The following CDON variants were observed in gnomAD, a reference collection of about 807,000 sequenced individuals.
CDON encodes cell adhesion associated, oncogene regulated.
Under a neutral mutation model 120.9 loss-of-function variants are expected in CDON, and 73 were observed. The ratio of observed to expected loss-of-function variants is 0.60; its 90% CI spans 0.50 to 0.73. The LOEUF (loss-of-function observed/expected upper bound fraction) is 0.73. Ranked by LOEUF, CDON falls within the 30% of genes least tolerant of loss-of-function variation. The probability of loss-of-function intolerance (pLI) is 0.00; values close to 1 mark genes in which losing one functional copy is unlikely to be tolerated. For synonymous variants in CDON, 566 were observed against 573.5 expected (o/e 0.99, Z 0.19); for missense variants, 1,470 against 1,587.3 (o/e 0.93, Z 1.26).
intron 1 of CDON, among the ~76,000 whole-genome samples, chr11:126,052,715 T>A (rs1039552971): frequency 2.0e-5 from 3 of 150,286 alleles, no homozygotes; most frequent in African/African-American, 7.4e-5. Flanking sequence ...CCCAGCTACT[T>A]GGGAGGCTGA....
intron 15 of CDON, among the ~76,000 whole-genome samples, chr11:125,985,480 A>G (rs1302246587): frequency 2.0e-5 from 3 of 152,302 alleles, no homozygotes; most frequent in Admixed American, 2.0e-4. Flanking sequence ...GTGCCTAGCT[A>G]GTTTTTACAT....
chr11:125,980,953 G>C, intron 17 of CDON, 96 bp downstream of exon 17: 1 of 1,271,954 alleles, frequency 7.9e-7, no homozygotes, highest in Non-Finnish European at 1.1e-6. Context: ...AACTTGTGAG[G>C]TTTCTATACT....
At chr11:126,044,180 C>A (rs529835342) in intron 1 of CDON, among the ~76,000 whole-genome samples, 2 of 152,202 alleles carry the variant, frequency 1.3e-5, no homozygotes, top group East Asian at 3.8e-4. Context: ...ACATACTGCA[C>A]AGATCCCATG....
At chr11:126,020,851 G>C (rs1225203200) in intron 3 of CDON, among the ~76,000 whole-genome samples, 1 of 152,094 alleles carries the variant, frequency 6.6e-6, no homozygotes, top group Non-Finnish European at 1.5e-5. Flanking sequence ...AAAGACAAAG[G>C]ACTCCAGGAA....
chr11:125,981,424 A>G (rs1031436558), intron 16 of CDON, 95 bp from the exon 17 acceptor site: 8 of 995,398 alleles, frequency 8.0e-6, no homozygotes, highest in African/African-American at 6.9e-5. Context: ...GCACATACGC[A>G]CACACGCACA....
chr11:126,049,844 A>G (rs1439851281), intron 1 of CDON, among the ~76,000 whole-genome samples: 1 of 152,222 alleles, frequency 6.6e-6, no homozygotes, highest in South Asian at 2.1e-4. Flanking sequence ...GAGCATCCCA[A>G]TTCAGATTTT....
At chr11:126,023,771 A>C (rs1947705390) in intron 1 of CDON, among the ~76,000 whole-genome samples, 1 of 152,244 alleles carries the variant, frequency 6.6e-6, no homozygotes, top group Non-Finnish European at 1.5e-5. Context: ...CACAGAACTA[A>C]TCACTCTGAA....
At chr11:126,011,876 G>A (rs1266625673) in intron 7 of CDON, among the ~76,000 whole-genome samples, 2 of 151,950 alleles carry the variant, frequency 1.3e-5, no homozygotes, top group Non-Finnish European at 2.9e-5. Context: ...TTTATACAAT[G>A]TGAGTAAGAC....
rs1423923602 is a variant in CDON at position 126,023,502 on chromosome 11, G to C, written c.-26C>G. On this transcript the variant is annotated 5_prime_UTR_variant, in exon 2 of 20. Coordinates refer to ENST00000531738, the MANE Select transcript of CDON (RefSeq NM_001378964.1). ...AGCGCCAGATTACAGAAGCAATCAG[G>C]ACAGGCTTCCAGAGCAAAACCCAGT... 10 of 1,547,540 alleles carry C rather than the reference G, an allele frequency of 6.5e-6. No individual in the cohort carries two copies. Among genetic ancestry groups the C allele is most frequent in the Non-Finnish European group, 8.9e-6 (10 of 1,119,542 alleles).
At chr11:125,973,396 G>A (rs57047734) in intron 18 of CDON, among the ~76,000 whole-genome samples, 1 of 151,604 alleles carries the variant, frequency 6.6e-6, no homozygotes, top group Non-Finnish European at 1.5e-5. Flanking sequence ...GCCGGGCGTG[G>A]TGGCGGGCAC....
At chr11:126,007,454 G>A (rs548129717) in intron 8 of CDON, among the ~76,000 whole-genome samples, 25 of 152,264 alleles carry the variant, frequency 1.6e-4, no homozygotes, top group Middle Eastern at 3.4e-3. Context: ...GTCAGACTGC[G>A]GACTGATGTT....
chr11:125,996,794 CTCT>C (rs1297510312), intron 12 of CDON, among the ~76,000 whole-genome samples: 2 of 149,178 alleles, frequency 1.3e-5, no homozygotes, highest in African/African-American at 2.5e-5. Flanking sequence ...GTGACTTATT[CTCT>C]TCTTTATATT....
rs1947699046 is a variant in CDON, at chr11:126,023,546, GA to G, written c.-61-10del. 1.8e-6 allele frequency: 2 copies of G among 1,111,384 alleles called. No homozygotes were observed. Among genetic ancestry groups the G allele is most frequent in the Non-Finnish European group, 2.8e-6 (2 of 723,312 alleles). 68.8% of individuals were successfully genotyped at this position (1,111,384 alleles called of 1,614,324 possible). On this transcript the variant is annotated splice_polypyrimidine_tract_variant and intron_variant, in intron 1 of 19. Transcript: ENST00000531738. ...ACCCAGTCCTTGGTTCACTAAAAAA[GA>G]AAAAGGAAAGAAAATCTAAACCATT... is the stretch of plus-strand genomic sequence containing the variant.
chr11:126,037,093 C>T (rs868447162), intron 1 of CDON, among the ~76,000 whole-genome samples: 21 of 140,472 alleles, frequency 1.5e-4, no homozygotes, highest in Middle Eastern at 3.7e-3. Flanking sequence ...CTTCATTCAA[C>T]CCATTTTCTT....
At position 126,027,422 on chromosome 11, in the gene CDON, A is replaced by G. The variant is rs190145330; in HGVS notation, c.-61-3885T>C. 5.3e-5 allele frequency among the ~76,000 whole-genome samples: 8 copies of G among 152,368 alleles called. No homozygotes were observed. The East Asian group carries it at 1.5e-3, about 29-fold the overall frequency. Reference sequence around the variant, plus strand: ...ATTTTCAAAAGTACTATCTTTATCAAAAAAGAAACCCTTAATATTAGTGTT... The same window carrying G: ...ATTTTCAAAAGTACTATCTTTATCAGAAAAGAAACCCTTAATATTAGTGTT... On this transcript the variant is annotated intron_variant, in intron 1 of 19. Coordinates refer to ENST00000531738, the MANE Select transcript of CDON (RefSeq NM_001378964.1).
intron 1 of CDON, among the ~76,000 whole-genome samples, chr11:126,028,349 T>G (rs1287808429): frequency 6.6e-6 from 1 of 151,836 alleles, no homozygotes; most frequent in Non-Finnish European, 1.5e-5. Flanking sequence ...TATTATTTAG[T>G]GATCATTTTT....
chr11:126,031,686 G>A (rs1447416037), intron 1 of CDON, among the ~76,000 whole-genome samples: 1 of 152,326 alleles, frequency 6.6e-6, no homozygotes, highest in Non-Finnish European at 1.5e-5. Context: ...TCCGCGAGTT[G>A]TGAAACACTC....
intron 11 of CDON, among the ~76,000 whole-genome samples, chr11:125,998,795 G>A (rs370734211): frequency 5.3e-5 from 8 of 152,086 alleles, no homozygotes; most frequent in East Asian, 1.9e-4. Context: ...GACATGAGCC[G>A]GTTTTTGAGA....
chr11:126,030,989 G>C (rs556744204), intron 1 of CDON, among the ~76,000 whole-genome samples: 1 of 152,180 alleles, frequency 6.6e-6, no homozygotes, highest in Admixed American at 6.5e-5. Context: ...GAACCTATGA[G>C]GGGTGCAAAG....
Sources: allele counts gnomAD v4.1 joint callset (sites outside exome capture counted in the v4.1 genomes callset), GRCh38; gene constraint gnomAD v4.1.1; transcripts MANE v1.5; gene names NCBI Gene and HGNC (gene_info 2026-07-23, HGNC 2026-07-21).